Variants in NTRK3 observed in about 807,000 individuals in gnomAD.
The protein encoded by NTRK3 is NT-3 growth factor receptor.
A neutral mutation model predicts 91.7 loss-of-function variants in NTRK3; 24 were observed. The observed-to-expected ratio is 0.26, with a 90% CI of 0.19 to 0.37. The LOEUF is 0.37. Among genes scored for constraint, NTRK3 ranks in the 10% least tolerant of loss-of-function variants. NTRK3 has a pLI of 1.00. For synonymous variants in NTRK3, 483 were observed against 404.0 expected (o/e 1.20, Z -2.34); for missense variants, 880 against 1,068.9 (o/e 0.82, Z 2.46).
chr15:87,954,997 ACTAG>A (rs2071514087), intron 14 of NTRK3, among the ~76,000 whole-genome samples: 1 of 152,180 alleles, frequency 6.6e-6, no homozygotes, highest in South Asian at 2.1e-4. Context: ...TCTGCTACTA[ACTAG>A]CTATGTGACA....
At chr15:87,866,415 A>C (rs1366730574) in exon 19 of NTRK3, 1 of 170,356 alleles carries the variant, frequency 5.9e-6, no homozygotes, top group East Asian at 1.1e-4. Context: ...GTATACATTT[A>C]CATATATATG....
intron 5 of NTRK3, among the ~76,000 whole-genome samples, chr15:88,163,418 C>T (rs1310056230): frequency 6.6e-6 from 1 of 152,166 alleles, no homozygotes; most frequent in Non-Finnish European, 1.5e-5. Context: ...AGAAGCCTTC[C>T]CTGACCACCA....
intron 3 of NTRK3, among the ~76,000 whole-genome samples, chr15:88,202,525 G>C (rs2048390841): frequency 6.6e-6 from 1 of 152,244 alleles, no homozygotes; most frequent in African/African-American, 2.4e-5. Flanking sequence ...GCTCCAGACA[G>C]TCATTTGGGG....
chr15:88,108,457 C>G (rs1156892438), intron 13 of NTRK3, among the ~76,000 whole-genome samples: 1 of 152,176 alleles, frequency 6.6e-6, no homozygotes, highest in African/African-American at 2.4e-5. Context: ...ATGGGTGCTC[C>G]TGACAACTCC....
exon 19 of NTRK3, chr15:87,876,956 G>C (rs1378495898): frequency 6.2e-7 from 1 of 1,613,908 alleles, no homozygotes; most frequent in South Asian, 1.1e-5. Context: ...TGTCCAGGTA[G>C]ATTGGGGTGG....
At chr15:88,180,240 C>G (rs756800019) in intron 5 of NTRK3, among the ~76,000 whole-genome samples, 1 of 152,178 alleles carries the variant, frequency 6.6e-6, no homozygotes, top group Admixed American at 6.5e-5. Flanking sequence ...TCTCAGAAAT[C>G]CTTATCCTTA....
chr15:88,102,691 A>G (rs77646770), intron 13 of NTRK3, among the ~76,000 whole-genome samples: 2 of 152,202 alleles, frequency 1.3e-5, no homozygotes, highest in African/African-American at 4.8e-5. Context: ...ATTGGCTTGA[A>G]GATTCCCAAA....
At chr15:87,992,316 T>A (rs996785376) in intron 14 of NTRK3, among the ~76,000 whole-genome samples, 6 of 152,216 alleles carry the variant, frequency 3.9e-5, no homozygotes, top group African/African-American at 1.4e-4. Flanking sequence ...CCTTTCAGCT[T>A]CTGTCCTCAC....
chr15:88,154,105 C>A (rs1228865024), intron 5 of NTRK3, among the ~76,000 whole-genome samples: 3 of 110,436 alleles, frequency 2.7e-5, no homozygotes, highest in South Asian at 3.1e-4. Flanking sequence ...CCCACATAGA[C>A]TTTGCAAAAA....
At chr15:88,206,295 G>A (rs534528178) in intron 3 of NTRK3, among the ~76,000 whole-genome samples, 73 of 147,744 alleles carry the variant, frequency 4.9e-4, no homozygotes, top group Middle Eastern at 7.2e-3. Context: ...GCAGTGAGCC[G>A]AGATCGCGCC....
chr15:87,880,470 G>A, intron 17 of NTRK3, 42 bp from the exon 19 acceptor site: 2 of 1,601,136 alleles, frequency 1.2e-6, no homozygotes, highest in Non-Finnish European at 1.7e-6. Flanking sequence ...TGACCAGATG[G>A]CCAGAATGAG....
At chr15:87,971,634 C>A (rs2073260057) in intron 14 of NTRK3, among the ~76,000 whole-genome samples, 1 of 152,182 alleles carries the variant, frequency 6.6e-6, no homozygotes, top group African/African-American at 2.4e-5. Context: ...GTGCAGGGGT[C>A]CCCTGCGTCA....
At chr15:88,215,258 G>C (rs2049652379) in intron 3 of NTRK3, among the ~76,000 whole-genome samples, 1 of 152,194 alleles carries the variant, frequency 6.6e-6, no homozygotes, top group South Asian at 2.1e-4. Flanking sequence ...AGTTCAAACG[G>C]AGCATCACGC....
intron 17 of NTRK3, among the ~76,000 whole-genome samples, chr15:87,916,843 C>T (rs898092007): frequency 6.6e-6 from 1 of 150,772 alleles, no homozygotes; most frequent in African/African-American, 2.4e-5. Context: ...CTCACTGCAA[C>T]CTCTGCCTTC....
At chr15:88,115,874 A>C (rs1032624944) in intron 13 of NTRK3, among the ~76,000 whole-genome samples, 6 of 152,136 alleles carry the variant, frequency 3.9e-5, no homozygotes, top group Non-Finnish European at 8.8e-5. Flanking sequence ...GCCCACCGAC[A>C]GACCCACTCC....
chr15:87,997,984 A>T (rs1388556773), intron 14 of NTRK3, among the ~76,000 whole-genome samples: 1 of 152,224 alleles, frequency 6.6e-6, no homozygotes, highest in Non-Finnish European at 1.5e-5. Context: ...CAAAAACATC[A>T]TGAGCTCTAA....
intron 16 of NTRK3, among the ~76,000 whole-genome samples, chr15:87,930,532 G>C (rs1269458502): frequency 1.3e-5 from 2 of 152,182 alleles, no homozygotes; most frequent in African/African-American, 4.8e-5. Flanking sequence ...ACAAGGAAGA[G>C]GGGTCAGCAG....
chr15:87,972,489 CAT>C (rs2073341109), intron 14 of NTRK3, among the ~76,000 whole-genome samples: 2 of 152,158 alleles, frequency 1.3e-5, no homozygotes, highest in Non-Finnish European at 2.9e-5. Flanking sequence ...CAAACTCAGA[CAT>C]TACTTGACAT....
At chr15:88,063,787 C>G (rs886394752) in intron 13 of NTRK3, among the ~76,000 whole-genome samples, 1 of 152,158 alleles carries the variant, frequency 6.6e-6, no homozygotes, top group Non-Finnish European at 1.5e-5. Flanking sequence ...TGAACCACTC[C>G]CCACAACTTC....
Sources: gnomAD v4.1 joint callset for allele counts (sites outside exome capture counted in the v4.1 genomes callset) on GRCh38, gnomAD v4.1.1 for gene constraint, MANE v1.5 for transcripts, NCBI Gene and HGNC (gene_info 2026-07-23, HGNC 2026-07-21) for gene names.